Variants in FANCA observed in about 807,000 individuals in gnomAD.
FANCA encodes FA complementation group A, also known as Fanconi anemia group A protein.
In FANCA, 236 loss-of-function variants were observed where a neutral mutation model predicts 194.3. The ratio of observed to expected loss-of-function variants is 1.21; its 90% confidence interval spans 1.09 to 1.35. The LOEUF (loss-of-function observed/expected upper bound fraction) is 1.35. FANCA is among the 40% of genes most tolerant of loss of function. The probability of loss-of-function intolerance (pLI) is 0.00; values close to 1 mark genes in which losing one functional copy is unlikely to be tolerated. For synonymous variants in FANCA, 1,014 were observed against 715.8 expected, an observed-to-expected ratio of 1.42 and a Z score of -6.65; for missense variants, 2,628 against 1,813.9, an observed-to-expected ratio of 1.45 and a Z score of -8.15.
chr16:89,742,617 G>A (rs2062161415), intron 37 of FANCA, among the ~76,000 whole-genome samples, 183 bp downstream of exon 37: 3 of 141,862 alleles, frequency 2.1e-5, no homozygotes, highest in Non-Finnish European at 4.5e-5. Flanking sequence ...AGACCATCCT[G>A]GCTAACACAG....
intron 3 of FANCA, 110 bp downstream of exon 3, chr16:89,814,410 G>T: frequency 1.2e-6 from 1 of 805,948 alleles, no homozygotes; most frequent in Non-Finnish European, 2.0e-6. Flanking sequence ...CACACCAGTG[G>T]AAACCCATCG....
Position 89,798,342 on chromosome 16 carries a change from C to T in FANCA, c.893+824G>A, listed in dbSNP as rs150533796. The T allele has an allele frequency of 1.6e-5, 16 of 1,031,032 alleles. No homozygotes were observed. The East Asian group carries it at 8.7e-4, about 56-fold the overall frequency. The allele number at this position is 1,031,032 out of a possible 1,614,324, so 63.9% of individuals were successfully genotyped here. On this transcript the variant is annotated intron_variant, in intron 10 of 42. Transcript: ENST00000389301. ...TTACAGCAGCCCAAGCTAACTGATG[C>T]ACATGTAAACATTCAGGAAATCACA...
chr16:89,814,152 G>T (rs939220026), intron 3 of FANCA, among the ~76,000 whole-genome samples: 2 of 152,106 alleles, frequency 1.3e-5, no homozygotes, highest in Non-Finnish European at 2.9e-5. Context: ...CTCTCAAACT[G>T]GGGGGAGAAG....
chr16:89,744,835 C>G (rs2062207621), intron 36 of FANCA, 124 bp downstream of exon 36: 3 of 883,136 alleles, frequency 3.4e-6, no homozygotes, highest in African/African-American at 1.7e-5. Flanking sequence ...TCTTTTCTCC[C>G]TGCTCACACG....
intron 30 of FANCA, 94 bp from the exon 31 acceptor site, chr16:89,752,316 G>T: frequency 1.0e-6 from 1 of 995,246 alleles, no homozygotes; most frequent in Non-Finnish European, 1.6e-6. Context: ...AGTGATGGCT[G>T]TGCTTCTCTG....
At position 89,771,817 on chromosome 16, in the gene FANCA, G is replaced by C; in HGVS notation, c.2015-3C>G. On this transcript the variant is annotated splice_region_variant and splice_polypyrimidine_tract_variant and intron_variant, in intron 22 of 42. Transcript: ENST00000389301. ...CACTGCCACCTGTGCCGATATAACT[G>C]CGAAGGAAGAAACTAGTTAGGGATG... is the stretch of plus-strand genomic sequence containing the variant. 1 of 1,613,710 alleles carries C rather than the reference G, an allele frequency of 6.2e-7. No homozygotes were observed. Among genetic ancestry groups the C allele is most frequent in the Non-Finnish European group, 8.5e-7 (1 of 1,180,030 alleles).
At chr16:89,800,130 C>G (rs1189903162) in intron 8 of FANCA, among the ~76,000 whole-genome samples, 3 of 152,244 alleles carry the variant, frequency 2.0e-5, no homozygotes, top group African/African-American at 7.2e-5. Flanking sequence ...TAAGACTGCT[C>G]TCAGCATGGC....
At chr16:89,790,558 G>A (rs867625769) in intron 14 of FANCA, among the ~76,000 whole-genome samples, 15 of 151,750 alleles carry the variant, frequency 9.9e-5, no homozygotes, top group African/African-American at 2.2e-4. Context: ...GTGAAACCCC[G>A]TCTCTACTAA....
At chr16:89,790,604 C>G (rs2040037309) in intron 14 of FANCA, among the ~76,000 whole-genome samples, 1 of 151,732 alleles carries the variant, frequency 6.6e-6, no homozygotes. Context: ...TAGTGCACAC[C>G]TGTAATCCCA....
chr16:89,810,979 T>C lies in FANCA; in HGVS notation c.376A>G (p.Thr126Ala), dbSNP rs953219736. ...MVASSVGQIC[T>A]APAETSHPVL... ...GGGTGACTGGTCTCCGCTGGAGCCG[T>C]GCAGATCTGTCCCACGCTAGAGGCA... The change falls in exon 4 of 43, where the codon ACG becomes GCG. Residue 126 changes from threonine to alanine, a missense_variant. Coordinates refer to ENST00000389301, the MANE Select transcript of FANCA (RefSeq NM_000135.4). 12 of 1,613,978 alleles carry C rather than the reference T, an allele frequency of 7.4e-6. No individual in the cohort carries two copies. Among genetic ancestry groups the C allele is most frequent in the East Asian group, 2.2e-5 (1 of 44,898 alleles).
At position 89,767,140 on chromosome 16, in the gene FANCA, C is replaced by A. The variant is rs1188581065; in HGVS notation, c.2601+1G>T. 6.2e-7 allele frequency: 1 copy of A among 1,606,652 alleles called. No homozygotes were observed. Among genetic ancestry groups the A allele is most frequent in the African/African-American group, 1.3e-5 (1 of 74,738 alleles). ...GAAAAATAGGAAAAGAGTGAACCTACCTTTTTAATAAGGCCTGGAGATAAG... is the reference window on the plus strand; with the variant it reads ...GAAAAATAGGAAAAGAGTGAACCTAACTTTTTAATAAGGCCTGGAGATAAG... On this transcript the variant is annotated splice_donor_variant, in intron 27 of 42. Transcript: ENST00000389301. LOFTEE classifies it high-confidence loss of function.
chr16:89,793,925 A>G (rs1206814767), intron 11 of FANCA, among the ~76,000 whole-genome samples: 1 of 151,432 alleles, frequency 6.6e-6, no homozygotes, highest in Non-Finnish European at 1.5e-5. Flanking sequence ...TAATTTTTGT[A>G]TTTTTTAGTA....
At chr16:89,812,061 C>A (rs1182934435) in intron 3 of FANCA, among the ~76,000 whole-genome samples, 1 of 150,548 alleles carries the variant, frequency 6.6e-6, no homozygotes, top group African/African-American at 2.4e-5. Flanking sequence ...CCGGGCCGGG[C>A]ACGGTGGCTC....
At position 89,816,630 on chromosome 16, in the gene FANCA, C is replaced by G; in HGVS notation, c.-15G>C. The G allele has an allele frequency of 3.3e-6, 5 of 1,518,548 alleles. No individual in the cohort carries two copies. The highest frequency in any genetic ancestry group is 4.4e-6 in the Non-Finnish European group (5 of 1,140,672). The allele number at this position is 1,518,548 out of a possible 1,614,324, so 94.1% of individuals were successfully genotyped here. On this transcript the variant is annotated 5_prime_UTR_variant, in exon 1 of 43. Coordinates refer to ENST00000389301, the MANE Select transcript of FANCA (RefSeq NM_000135.4). ...GAGTCGGACATGGCCTTGGCGCCTA[C>G]AGCCCCGGCGGCGGCTCCCTGCGCC...
intron 37 of FANCA, among the ~76,000 whole-genome samples, chr16:89,742,236 C>A (rs12925187): frequency 6.6e-6 from 1 of 151,974 alleles, no homozygotes; most frequent in Non-Finnish European, 1.5e-5. Flanking sequence ...CTCGGCCTCC[C>A]TAAGTGTTGG....
At chr16:89,776,166 T>C (rs869208469) in intron 20 of FANCA, among the ~76,000 whole-genome samples, 49 of 92,556 alleles carry the variant, frequency 5.3e-4, no homozygotes, top group African/African-American at 1.3e-3. Flanking sequence ...TTTCTTTTTT[T>C]TTTTTTTTTT....
At chr16:89,758,997 G>A (rs17233371) in intron 29 of FANCA, among the ~76,000 whole-genome samples, 3 of 152,122 alleles carry the variant, frequency 2.0e-5, no homozygotes, top group African/African-American at 7.2e-5. Flanking sequence ...CACAGCACAT[G>A]AGCTTGGTGA....
At position 89,743,106 on chromosome 16, in the gene FANCA, G is replaced by C. The variant is rs1044440534; in HGVS notation, c.3627-168C>G. Among the ~76,000 whole-genome samples, 8 of 152,210 alleles carry C rather than the reference G, an allele frequency of 5.3e-5. No individual in the cohort carries two copies. In the South Asian group the frequency reaches 6.2e-4, roughly 12 times the overall value. ...CTAGGTCTGCATCCCCCAGGTCCACGTGAGAGTGTGGGCAGGTGCTGGTGC... is the reference window on the plus strand; with the variant it reads ...CTAGGTCTGCATCCCCCAGGTCCACCTGAGAGTGTGGGCAGGTGCTGGTGC... On this transcript the variant is annotated intron_variant, in intron 36 of 42. Transcript: ENST00000389301.
intron 41 of FANCA, 42 bp downstream of exon 41, chr16:89,739,091 G>C (rs776244734): frequency 1.9e-6 from 3 of 1,613,370 alleles, no homozygotes; most frequent in Non-Finnish European, 2.5e-6. Context: ...GCCTCCGGCT[G>C]GGGGGAGCTC....
Sources: allele counts gnomAD v4.1 joint callset (sites outside exome capture counted in the v4.1 genomes callset), GRCh38; gene constraint gnomAD v4.1.1; transcripts MANE v1.5; gene names NCBI Gene and HGNC (gene_info 2026-07-23, HGNC 2026-07-21).